The following RNF217 variants were observed in gnomAD, a reference collection of about 807,000 sequenced individuals.
RNF217 encodes the protein ring finger protein 217, also known as E3 ubiquitin-protein ligase RNF217.
Under a neutral mutation model 57.8 loss-of-function variants are expected in RNF217, and 31 were observed. The observed-to-expected ratio is 0.54, with a 90% confidence interval of 0.40 to 0.72. The LOEUF (loss-of-function observed/expected upper bound fraction) is 0.72, where lower values mean the gene tolerates loss of function less well. RNF217 is among the 30% of genes least tolerant of loss of function. The pLI is 0.00. For missense variants in RNF217, 696 were observed against 708.3 expected, an observed-to-expected ratio of 0.98 and a Z score of 0.20; for synonymous variants, 313 against 294.0, an observed-to-expected ratio of 1.06 and a Z score of -0.66.
intron 1 of RNF217, among the ~76,000 whole-genome samples, chr6:124,972,755 C>T (rs1485249727): frequency 6.6e-6 from 1 of 152,174 alleles, no homozygotes; most frequent in South Asian, 2.1e-4. Context: ...TCAGCTTAGA[C>T]ATTCTTCTGG....
chr6:125,057,222 C>T (rs564027979), intron 2 of RNF217, among the ~76,000 whole-genome samples: 1 of 152,206 alleles, frequency 6.6e-6, no homozygotes, highest in Non-Finnish European at 1.5e-5. Context: ...GTCGCCCATG[C>T]TGGAGTGCAG....
In RNF217 at chr6:125,048,409, A is replaced by G. The variant is rs1230105121; in HGVS notation, c.1116+2965A>G. On this transcript the variant is annotated intron_variant, in intron 2 of 5. Transcript: ENST00000521654. Reference sequence around the variant, plus strand: ...CATTGCATCATGAGGCAACAGAAATAGAAAAAAAAAGGTTGCTGCTAATGT... The same window carrying G: ...CATTGCATCATGAGGCAACAGAAATGGAAAAAAAAAGGTTGCTGCTAATGT... 5 of 533,938 alleles carry G rather than the reference A, an allele frequency of 9.4e-6. No individual in the cohort carries two copies. The African/African-American group carries it at 1.0e-4, about 11-fold the overall frequency. The allele number at this position is 533,938 out of a possible 1,614,324, so 33.1% of individuals were successfully genotyped here. A position where few individuals can be genotyped will look rare whatever the true frequency, so the allele number is the denominator to read the frequency against.
At chr6:125,045,607 G>C (rs1327559839) in intron 2 of RNF217, among the ~76,000 whole-genome samples, 163 bp downstream of exon 2, 1 of 152,080 alleles carries the variant, frequency 6.6e-6, no homozygotes, top group Non-Finnish European at 1.5e-5. Flanking sequence ...GGAGGCTGAT[G>C]ATAAGAGAGT....
chr6:125,090,630 T>C lies in RNF217; in HGVS notation c.*7693T>C, dbSNP rs77459765. On this transcript the variant is annotated 3_prime_UTR_variant, in exon 6 of 6. Coordinates refer to ENST00000521654, the MANE Select transcript of RNF217 (RefSeq NM_001286398.3). Reference sequence around the variant, plus strand: ...CTTAACAATAGAAAATTAGAAGAAATTTCTTGATCATAAGATGAATAGTAA... The same window carrying C: ...CTTAACAATAGAAAATTAGAAGAAACTTCTTGATCATAAGATGAATAGTAA... 1.1e-3 allele frequency: 160 copies of C among 151,910 alleles called. 1 individual carries two copies. The highest frequency in any genetic ancestry group is 3.8e-3 in the African/African-American group (156 of 41,562). The allele number at this position is 151,910 out of a possible 1,614,324, so 9.4% of individuals were successfully genotyped here.
At position 124,968,205 on chromosome 6, in the gene RNF217, G is replaced by A. The variant is rs1293339352; in HGVS notation, c.882+4779G>A. ...GAATTTATAGAACCTGTCATGCCCG[G>A]TGTGGTTTTGGTAGTCCTGAAAATG... On this transcript the variant is annotated intron_variant, in intron 1 of 5. Coordinates refer to ENST00000521654, the MANE Select transcript of RNF217 (RefSeq NM_001286398.3). Among the ~76,000 whole-genome samples the A allele has an allele frequency of 2.0e-5, 3 of 152,280 alleles. No individual in the cohort carries two copies. In the South Asian group the frequency reaches 6.2e-4, roughly 32 times the overall value.
At chr6:125,036,499 A>C (rs1434888181) in intron 1 of RNF217, among the ~76,000 whole-genome samples, 1 of 152,138 alleles carries the variant, frequency 6.6e-6, no homozygotes, top group Non-Finnish European at 1.5e-5. Flanking sequence ...AAGGAATCGC[A>C]ACAAAAGCCA....
chr6:125,058,490 C>T lies in RNF217; in HGVS notation c.1281+384C>T, dbSNP rs115316823. On this transcript the variant is annotated intron_variant, in intron 3 of 5. Coordinates refer to ENST00000521654, the MANE Select transcript of RNF217 (RefSeq NM_001286398.3). ...CAATTATATAGGCTTTGAATCCTTG[C>T]GATCTTTTGCTTTTCTTTCCTTGCT... is the stretch of plus-strand genomic sequence containing the variant. 7.6e-3 allele frequency among the ~76,000 whole-genome samples: 1,152 copies of T among 152,214 alleles called. 14 individuals carry two copies. The highest frequency in any genetic ancestry group is 0.026 in the African/African-American group (1,061 of 41,548).
At chr6:125,048,642 T>TTATAGCTGA (rs1224908313) in intron 2 of RNF217, among the ~76,000 whole-genome samples, 1 of 152,038 alleles carries the variant, frequency 6.6e-6, no homozygotes, top group Non-Finnish European at 1.5e-5. Context: ...TATAGCTATT[T>TTATAGCTGA]TATAGCTGAG....
chr6:125,071,127 G>A (rs181391451), intron 3 of RNF217, among the ~76,000 whole-genome samples: 6 of 152,230 alleles, frequency 3.9e-5, no homozygotes, highest in South Asian at 2.1e-4. Context: ...ACTTGAGGAG[G>A]ACAGGTACTA....
chr6:124,969,363 A>T (rs139194543), intron 1 of RNF217, among the ~76,000 whole-genome samples: 13 of 152,240 alleles, frequency 8.5e-5, no homozygotes, highest in Admixed American at 3.9e-4. Context: ...AAAAATGTTT[A>T]TTTTTTTCAA....
intron 1 of RNF217, among the ~76,000 whole-genome samples, chr6:124,967,145 G>A (rs1294704769): frequency 6.6e-6 from 1 of 152,154 alleles, no homozygotes; most frequent in East Asian, 1.9e-4. Context: ...CATAAATCTG[G>A]AACATTCATT....
At chr6:125,077,744 G>GT (rs1788433232) in intron 4 of RNF217, among the ~76,000 whole-genome samples, 1 of 152,040 alleles carries the variant, frequency 6.6e-6, no homozygotes, top group South Asian at 2.1e-4. Flanking sequence ...TTTTCTGGCC[G>GT]TGTTTCTCAT....
chr6:125,017,287 C>T (rs1268057502), intron 1 of RNF217, among the ~76,000 whole-genome samples: 3 of 152,148 alleles, frequency 2.0e-5, no homozygotes, highest in Non-Finnish European at 4.4e-5. Flanking sequence ...AACAGTTATA[C>T]ACCATATTGT....
chr6:125,025,177 A>G (rs1285024404), intron 1 of RNF217, among the ~76,000 whole-genome samples: 1 of 152,212 alleles, frequency 6.6e-6, no homozygotes, highest in Non-Finnish European at 1.5e-5. Context: ...ATGGACATTT[A>G]GTAACCAGAA....
At chr6:125,005,179 T>C (rs1442668955) in intron 1 of RNF217, among the ~76,000 whole-genome samples, 1 of 152,172 alleles carries the variant, frequency 6.6e-6, no homozygotes, top group Non-Finnish European at 1.5e-5. Context: ...AACATGAGCT[T>C]CAGAGGGGAT....
At chr6:125,018,385 G>A (rs535973891) in intron 1 of RNF217, among the ~76,000 whole-genome samples, 1 of 152,242 alleles carries the variant, frequency 6.6e-6, no homozygotes, top group African/African-American at 2.4e-5. Context: ...CTTTAGTTTT[G>A]CAACAGAATG....
intron 1 of RNF217, 29 bp from the exon 2 acceptor site, chr6:125,045,182 T>C (rs1359020681): frequency 1.4e-6 from 2 of 1,474,786 alleles, no homozygotes; most frequent in African/African-American, 1.4e-5. Context: ...TGACGTTTTT[T>C]TCCTTCCATC....
chr6:125,032,547 T>C (rs1786406938), intron 1 of RNF217, among the ~76,000 whole-genome samples: 1 of 151,922 alleles, frequency 6.6e-6, no homozygotes, highest in African/African-American at 2.4e-5. Flanking sequence ...AACATTTGGG[T>C]TAAATATTTA....
At chr6:124,995,780 G>A (rs928686212) in intron 1 of RNF217, among the ~76,000 whole-genome samples, 4 of 152,112 alleles carry the variant, frequency 2.6e-5, no homozygotes, top group Admixed American at 2.6e-4. Flanking sequence ...AAATTAGCTG[G>A]GCGTGGTGAT....
Sources: gnomAD v4.1 joint callset for allele counts (sites outside exome capture counted in the v4.1 genomes callset) on GRCh38, gnomAD v4.1.1 for gene constraint, MANE v1.5 for transcripts, NCBI Gene and HGNC (gene_info 2026-07-23, HGNC 2026-07-21) for gene names.